The following DAZL variants were observed in gnomAD, a reference collection of about 807,000 sequenced individuals.
DAZL encodes deleted in azoospermia like, also known as deleted in azoospermia-like.
A neutral mutation model predicts 45.0 loss-of-function variants in DAZL; 4 were observed. That is an observed-to-expected ratio of 0.09 (90% confidence interval 0.04 to 0.20). The LOEUF is 0.20. Ranked by LOEUF, DAZL falls within the 10% of genes least tolerant of loss-of-function variation. DAZL has a pLI of 1.00. For synonymous variants in DAZL, 122 were observed against 112.4 expected (o/e 1.09, Z -0.54); for missense variants, 326 against 351.3 (o/e 0.93, Z 0.58).
At chr3:16,593,846 A>C (rs1219406077) in intron 8 of DAZL, 78 bp from the exon 9 acceptor site, 1 of 891,820 alleles carries the variant, frequency 1.1e-6, no homozygotes, top group East Asian at 2.8e-5. Context: ...CAAAAAGCTA[A>C]GCTGGTATCA....
intron 1 of DAZL, among the ~76,000 whole-genome samples, chr3:16,601,849 CAAAG>C (rs1559405001): frequency 6.6e-6 from 1 of 152,090 alleles, no homozygotes; most frequent in Non-Finnish European, 1.5e-5. Flanking sequence ...AACCAAGTGA[CAAAG>C]ACAGCTAAAA....
intron 10 of DAZL, among the ~76,000 whole-genome samples, chr3:16,590,826 G>A (rs1183394192): frequency 4.6e-5 from 7 of 151,866 alleles, no homozygotes; most frequent in Non-Finnish European, 8.8e-5. Flanking sequence ...CTTAGAGAAA[G>A]TAAGTAAATT....
chr3:16,602,667 A>T (rs1453396091), intron 1 of DAZL, among the ~76,000 whole-genome samples: 3 of 152,236 alleles, frequency 2.0e-5, no homozygotes, highest in African/African-American at 7.2e-5. Context: ...GAAATGCAAG[A>T]ATACTTCACA....
At chr3:16,601,556 T>A (rs1263331551) in intron 1 of DAZL, among the ~76,000 whole-genome samples, 1 of 152,142 alleles carries the variant, frequency 6.6e-6, no homozygotes, top group Non-Finnish European at 1.5e-5. Context: ...TATATAAAAA[T>A]CCACAATCAA....
intron 9 of DAZL, among the ~76,000 whole-genome samples, chr3:16,593,188 C>T (rs1013582596): frequency 3.9e-5 from 6 of 152,116 alleles, no homozygotes; most frequent in Non-Finnish European, 7.4e-5. Flanking sequence ...CTGCCAAATC[C>T]TATTAATATA....
intron 4 of DAZL, 53 bp from the exon 5 acceptor site, chr3:16,597,104 A>G (rs1694612111): frequency 6.4e-7 from 1 of 1,552,484 alleles, no homozygotes; most frequent in Admixed American, 1.7e-5. Context: ...CTTTACTTCC[A>G]AGACTTGGAT....
chr3:16,591,261 A>G (rs1327339278), intron 10 of DAZL, among the ~76,000 whole-genome samples: 1 of 152,072 alleles, frequency 6.6e-6, no homozygotes, highest in Non-Finnish European at 1.5e-5. Flanking sequence ...ATTTTTCTGG[A>G]ATTCAACTAC....
At chr3:16,604,652 G>A (rs1453858016) in intron 1 of DAZL, 29 of 1,358,670 alleles carry the variant, frequency 2.1e-5, no homozygotes, top group Non-Finnish European at 2.6e-5. Context: ...ACAGGGACCA[G>A]GAGGGAACCA....
rs376911882 is a variant in DAZL, at chr3:16,593,706, A to G, written c.684T>C (p.Asn228=). The change falls in exon 9 of 11, where the codon AAT becomes AAC. Residue 228 remains asparagine, a synonymous_variant. Coordinates refer to ENST00000399444, the MANE Select transcript of DAZL (RefSeq NM_001351.4). ...EVDPGAEVVP[N]ECSVHEATPP... is the part of the protein sequence containing the mutation. ...GAGTAGCTTCATGAACTGAACATTC[A>G]TTTGGCACAACTTCAGCTCCTGGAT... is the stretch of plus-strand genomic sequence containing the variant. The G allele has an allele frequency of 2.7e-5, 44 of 1,612,766 alleles. No homozygotes were observed. Among genetic ancestry groups the G allele is most frequent in the Non-Finnish European group, 3.5e-5 (41 of 1,179,292 alleles).
chr3:16,604,403 A>G, intron 1 of DAZL: 1 of 1,503,318 alleles, frequency 6.7e-7, no homozygotes, highest in Non-Finnish European at 8.9e-7. Context: ...AGAATTTAAA[A>G]ATTCTAAAAT....
At chr3:16,600,879 G>A (rs1694679863) in intron 1 of DAZL, among the ~76,000 whole-genome samples, 1 of 152,198 alleles carries the variant, frequency 6.6e-6, no homozygotes, top group African/African-American at 2.4e-5. Flanking sequence ...CTCAACTGGG[G>A]AAGATTTTTG....
intron 6 of DAZL, 21 bp downstream of exon 6, chr3:16,596,729 G>A (rs376769904): frequency 5.6e-6 from 9 of 1,612,456 alleles, no homozygotes; most frequent in Non-Finnish European, 6.8e-6. Flanking sequence ...CAAGAGAATA[G>A]GAACGTTAAG....
At chr3:16,597,169 C>A in intron 4 of DAZL, 118 bp from the exon 5 acceptor site, 1 of 1,221,008 alleles carries the variant, frequency 8.2e-7, no homozygotes, top group Non-Finnish European at 1.2e-6. Context: ...GTGATAACTA[C>A]ACACCAAATT....
At chr3:16,603,937 G>A (rs1393280003) in intron 1 of DAZL, among the ~76,000 whole-genome samples, 2 of 152,070 alleles carry the variant, frequency 1.3e-5, no homozygotes, top group East Asian at 3.9e-4. Flanking sequence ...TTCTTACAGC[G>A]ATTGTTTTCA....
At position 16,605,326 on chromosome 3, in the gene DAZL, A is replaced by T. The variant is rs935425074; in HGVS notation, c.-121T>A. 8.2e-7 allele frequency: 1 copy of T among 1,223,832 alleles called. No homozygotes were observed. Among genetic ancestry groups the T allele is most frequent in the Admixed American group, 1.7e-5 (1 of 58,984 alleles). 75.8% of individuals were successfully genotyped at this position (1,223,832 alleles called of 1,614,324 possible). On this transcript the variant is annotated 5_prime_UTR_variant, in exon 1 of 11. Transcript: ENST00000399444. ...CCGCTGCGCGGCTTCGAGTGGTCAA[A>T]GGAGCCAAAGATGAAGAGAAAAGGA...
chr3:16,597,802 C>G (rs1431207289), intron 3 of DAZL, among the ~76,000 whole-genome samples: 1 of 152,094 alleles, frequency 6.6e-6, no homozygotes, highest in African/African-American at 2.4e-5. Flanking sequence ...ATTTAACTTA[C>G]TATCTAAGAC....
At position 16,605,335 on chromosome 3, in the gene DAZL, A is replaced by C; in HGVS notation, c.-130T>G. On this transcript the variant is annotated 5_prime_UTR_variant, in exon 1 of 11. Coordinates refer to ENST00000399444, the MANE Select transcript of DAZL (RefSeq NM_001351.4). Reference sequence around the variant, plus strand: ...GGCTTCGAGTGGTCAAAGGAGCCAAAGATGAAGAGAAAAGGAAAACCAAGA... The same window carrying C: ...GGCTTCGAGTGGTCAAAGGAGCCAACGATGAAGAGAAAAGGAAAACCAAGA... 5.2e-6 allele frequency: 6 copies of C among 1,148,932 alleles called. No homozygotes were observed. Among genetic ancestry groups the C allele is most frequent in the Non-Finnish European group, 7.9e-6 (6 of 758,098 alleles). 71.2% of individuals were successfully genotyped at this position (1,148,932 alleles called of 1,614,324 possible). A position where few individuals can be genotyped will look rare whatever the true frequency, so the allele number is the denominator to read the frequency against.
chr3:16,596,238 T>G (rs185869351), intron 6 of DAZL, among the ~76,000 whole-genome samples: 2,445 of 152,172 alleles, frequency 0.016, 69 homozygotes, highest in African/African-American at 0.056. Flanking sequence ...CAAATCCTAC[T>G]TTAAATATCA....
At chr3:16,597,154 G>C in intron 4 of DAZL, 103 bp from the exon 5 acceptor site, 1 of 1,323,442 alleles carries the variant, frequency 7.6e-7, no homozygotes, top group Non-Finnish European at 1.1e-6. Context: ...TATCATAGAA[G>C]ATCAGTGATA....
Sources: allele counts gnomAD v4.1 joint callset (sites outside exome capture counted in the v4.1 genomes callset), GRCh38; gene constraint gnomAD v4.1.1; transcripts MANE v1.5; gene names NCBI Gene and HGNC (gene_info 2026-07-23, HGNC 2026-07-21).